Variants in DLGAP2 observed in about 807,000 individuals in gnomAD.
The protein encoded by DLGAP2 is disks large-associated protein 2.
DLGAP2 carries 26 observed loss-of-function variants against 100.3 expected under a neutral mutation model. The ratio of observed to expected loss-of-function variants is 0.26; its 90% CI spans 0.19 to 0.36. The LOEUF is 0.36. Ranked by LOEUF, DLGAP2 falls within the 10% of genes least tolerant of loss-of-function variation. The pLI is 1.00. For missense variants in DLGAP2, 1,858 were observed against 1,453.2 expected (o/e 1.28, Z -4.53); for synonymous variants, 886 against 630.1 (o/e 1.41, Z -6.08).
intron 2 of DLGAP2, among the ~76,000 whole-genome samples, chr8:1,216,062 T>G (rs2116799676): frequency 6.6e-6 from 1 of 152,336 alleles, no homozygotes; most frequent in South Asian, 2.1e-4. Context: ...TGTGCATTGG[T>G]TGGCTCCAAG....
intron 6 of DLGAP2, among the ~76,000 whole-genome samples, chr8:1,580,148 A>C (rs1165666715): frequency 6.6e-6 from 1 of 152,234 alleles, no homozygotes; most frequent in Non-Finnish European, 1.5e-5. Flanking sequence ...ACACAGGGCA[A>C]TCAATACAAG....
intron 2 of DLGAP2, among the ~76,000 whole-genome samples, chr8:1,071,773 G>A (rs1456714918): frequency 1.3e-5 from 2 of 152,210 alleles, no homozygotes; most frequent in South Asian, 2.1e-4. Flanking sequence ...ATAAATGTCA[G>A]TGAAGTGAAT....
intron 1 of DLGAP2, among the ~76,000 whole-genome samples, chr8:852,173 A>C (rs1797193982): frequency 6.6e-6 from 1 of 152,058 alleles, no homozygotes; most frequent in South Asian, 2.1e-4. Flanking sequence ...TGTCAAAAAC[A>C]GTTTAAAGAA....
intron 1 of DLGAP2, among the ~76,000 whole-genome samples, chr8:807,838 G>T (rs1406186945): frequency 6.6e-6 from 1 of 152,142 alleles, no homozygotes; most frequent in Non-Finnish European, 1.5e-5. Context: ...CGGGGGTGCT[G>T]GTGCACAGGA....
At chr8:1,474,714 G>T (rs1017983327) in intron 3 of DLGAP2, among the ~76,000 whole-genome samples, 9 of 152,100 alleles carry the variant, frequency 5.9e-5, no homozygotes, top group African/African-American at 1.9e-4. Flanking sequence ...TTTGTTAAAA[G>T]GTTAAAAATA....
chr8:1,370,384 C>T (rs761783097), intron 3 of DLGAP2, among the ~76,000 whole-genome samples: 5 of 152,174 alleles, frequency 3.3e-5, no homozygotes, highest in Non-Finnish European at 5.9e-5. Context: ...CACCTTAATA[C>T]CCTCCAGGAC....
At chr8:904,997 C>T (rs1798346817) in intron 1 of DLGAP2, among the ~76,000 whole-genome samples, 3 of 152,202 alleles carry the variant, frequency 2.0e-5, no homozygotes, top group Non-Finnish European at 4.4e-5. Context: ...TTCCAGAGGC[C>T]GTGGCTGGTC....
chr8:1,450,771 C>G (rs957580624), intron 3 of DLGAP2, among the ~76,000 whole-genome samples: 26 of 152,094 alleles, frequency 1.7e-4, no homozygotes, highest in Middle Eastern at 3.2e-3. Flanking sequence ...TCTCTGCGCT[C>G]AACGTTCCCA....
chr8:870,323 C>A (rs1210870424), intron 1 of DLGAP2, among the ~76,000 whole-genome samples: 2 of 152,170 alleles, frequency 1.3e-5, no homozygotes, highest in African/African-American at 4.8e-5. Context: ...GACCTCTCTT[C>A]CAGTACTGGA....
chr8:1,168,505 A>G (rs1201971752), intron 2 of DLGAP2, among the ~76,000 whole-genome samples: 5 of 148,490 alleles, frequency 3.4e-5, no homozygotes, highest in Admixed American at 2.7e-4. Flanking sequence ...CAACAGTGTA[A>G]AAGTTTTCCT....
chr8:829,623 T>G (rs1276055814), intron 1 of DLGAP2, among the ~76,000 whole-genome samples: 2 of 152,264 alleles, frequency 1.3e-5, no homozygotes, highest in African/African-American at 4.8e-5. Flanking sequence ...CAGTTATTTC[T>G]TTTTTCAAAC....
At chr8:1,472,782 G>C (rs1798836382) in intron 3 of DLGAP2, among the ~76,000 whole-genome samples, 1 of 152,152 alleles carries the variant, frequency 6.6e-6, no homozygotes, top group South Asian at 2.1e-4. Context: ...ACAGTGAGTT[G>C]AACTCCCATA....
intron 3 of DLGAP2, among the ~76,000 whole-genome samples, chr8:1,296,390 T>C (rs913149263): frequency 6.6e-6 from 1 of 152,136 alleles, no homozygotes; most frequent in African/African-American, 2.4e-5. Flanking sequence ...GCATGTGCCT[T>C]GTAACTTCCA....
chr8:1,407,960 G>A (rs1047761056), intron 3 of DLGAP2, among the ~76,000 whole-genome samples: 1 of 152,224 alleles, frequency 6.6e-6, no homozygotes, highest in Non-Finnish European at 1.5e-5. Context: ...CCTTGTTGGG[G>A]GTTGGGGTGG....
intron 2 of DLGAP2, among the ~76,000 whole-genome samples, chr8:1,036,832 C>T (rs1274230247): frequency 1.3e-5 from 2 of 152,120 alleles, no homozygotes; most frequent in Middle Eastern, 3.2e-3. Flanking sequence ...TCCTGGGTGC[C>T]CTCAAAATAA....
At chr8:1,516,106 T>A (rs895278343) in intron 4 of DLGAP2, among the ~76,000 whole-genome samples, 8 of 150,226 alleles carry the variant, frequency 5.3e-5, no homozygotes, top group Non-Finnish European at 5.9e-5. Context: ...AGTGACTGAG[T>A]GAATGAGTGA....
At chr8:792,618 A>G (rs1018444043) in intron 1 of DLGAP2, among the ~76,000 whole-genome samples, 6 of 152,238 alleles carry the variant, frequency 3.9e-5, no homozygotes, top group African/African-American at 1.4e-4. Context: ...GCAACACAAT[A>G]CCAACATTGT....
At chr8:1,407,470 C>T (rs1331494184) in intron 3 of DLGAP2, among the ~76,000 whole-genome samples, 2 of 146,508 alleles carry the variant, frequency 1.4e-5, no homozygotes, top group Non-Finnish European at 3.0e-5. Flanking sequence ...ACCTCCTCAT[C>T]CTCCAGGGTA....
At chr8:1,583,335 G>A (rs1796007241) in intron 6 of DLGAP2, among the ~76,000 whole-genome samples, 1 of 152,266 alleles carries the variant, frequency 6.6e-6, no homozygotes, top group Middle Eastern at 3.4e-3. Flanking sequence ...CAGAAGACGG[G>A]CTCAGATATT....
Sources: allele counts gnomAD v4.1 joint callset (sites outside exome capture counted in the v4.1 genomes callset), GRCh38; gene constraint gnomAD v4.1.1; transcripts MANE v1.5; gene names NCBI Gene and HGNC (gene_info 2026-07-23, HGNC 2026-07-21).